Variants in GNS observed in about 807,000 individuals in gnomAD.
The protein encoded by GNS is N-acetylglucosamine-6-sulfatase.
Under a neutral mutation model 69.7 loss-of-function variants are expected in GNS, and 40 were observed. The ratio of observed to expected loss-of-function variants is 0.57; its 90% CI spans 0.45 to 0.75. GNS has a LOEUF of 0.75. GNS is among the 30% of genes least tolerant of loss of function. The pLI, the probability that GNS is intolerant of heterozygous loss-of-function variation, is 0.00. For missense variants in GNS, 565 were observed against 685.5 expected, an observed-to-expected ratio of 0.82 and a Z score of 1.96; for synonymous variants, 243 against 251.6, an observed-to-expected ratio of 0.97 and a Z score of 0.32.
chr12:64,749,602 A>G (rs2620719), intron 2 of GNS, among the ~76,000 whole-genome samples: 70,419 of 152,056 alleles, frequency 0.46, 17,255 homozygotes, highest in African/African-American at 0.61. Flanking sequence ...CACATGTACT[A>G]ACTGACTGTG....
chr12:64,720,653 T>C (rs1230957500), intron 12 of GNS, among the ~76,000 whole-genome samples: 2 of 152,250 alleles, frequency 1.3e-5, no homozygotes, highest in East Asian at 1.9e-4. Context: ...GCCTGTGTTA[T>C]ACAAATGTTA....
chr12:64,747,830 A>C lies in GNS; in HGVS notation c.341T>G (p.Leu114Arg). The change falls in exon 3 of 14, where the codon CTG (leucine) becomes CGG (arginine). Residue 114 changes from leucine to arginine, a missense_variant. Physicochemically the swap from Leu to Arg is moderately radical, Grantham distance 102. Around this residue, in one of 2 missense-constraint regions of GNS, gnomAD observed 181 missense variants for 174.4 expected, o/e 1.04. Transcript: ENST00000258145. ...GGACTTACTACTGCAGTTCCCCTCC[A>C]GAGTGTTGTTCACAACGTGATGATT... ...PHNHHVVNNT[L>R]EGNCSSKSWQ... 1 of 1,608,312 alleles carries C rather than the reference A, an allele frequency of 6.2e-7. No homozygotes were observed. Among genetic ancestry groups the C allele is most frequent in the Admixed American group, 1.7e-5 (1 of 60,012 alleles).
intron 3 of GNS, among the ~76,000 whole-genome samples, chr12:64,746,403 T>C (rs1477111693): frequency 6.6e-6 from 1 of 152,134 alleles, no homozygotes; most frequent in Non-Finnish European, 1.5e-5. Context: ...TCAAAGGAAA[T>C]GTTCACTGGA....
Position 64,749,794 on chromosome 12 carries a change from TTCTC to T in GNS, c.253-1880_253-1877del, listed in dbSNP as rs932534976. On this transcript the variant is annotated intron_variant, in intron 2 of 13. Transcript: ENST00000258145. ...GTTTAAATTGGCAACTCTTAACTCT[TTCTC>T]TTTTTGTTTTCTGATCAATTTTATG... Among the ~76,000 whole-genome samples, 5 of 152,152 alleles carry T rather than the reference TTCTC, an allele frequency of 3.3e-5. No individual in the cohort carries two copies. The East Asian group carries it at 9.6e-4, about 29-fold the overall frequency.
rs575544204 is a variant in GNS at position 64,743,142 on chromosome 12, G to A, written c.791C>T (p.Thr264Met). ...AATACAAGTGGTGGGGGAAGCTACCGTTCCATGGATGTTGAAGTTCTTGTT... is the reference window on the plus strand; with the variant it reads ...AATACAAGTGGTGGGGGAAGCTACCATTCCATGGATGTTGAAGTTCTTGTT... ...PRNKNFNIHG[T>M]NKHWLIRQAK... is the part of the protein sequence containing the mutation. Residue 264 changes from threonine (T) to methionine (M), a missense_variant and splice_region_variant, in exon 6 of 14, where the codon ACG (threonine) becomes ATG (methionine). Physicochemically the swap from Thr to Met is moderately conservative, Grantham distance 81 (BLOSUM62 -1). Coordinates refer to ENST00000258145, the MANE Select transcript of GNS (RefSeq NM_002076.4). 7.2e-5 allele frequency: 116 copies of A among 1,608,426 alleles called. No individual in the cohort carries two copies. Among genetic ancestry groups the A allele is most frequent in the South Asian group, 7.1e-4 (65 of 90,940 alleles).
At chr12:64,742,308 CTG>C (rs1869771430) in intron 6 of GNS, among the ~76,000 whole-genome samples, 1 of 152,262 alleles carries the variant, frequency 6.6e-6, no homozygotes, top group African/African-American at 2.4e-5. Context: ...GCATGAGCCA[CTG>C]CGCCCGGCCA....
At chr12:64,756,302 T>C (rs1870248503) in intron 1 of GNS, among the ~76,000 whole-genome samples, 1 of 152,212 alleles carries the variant, frequency 6.6e-6, no homozygotes, top group South Asian at 2.1e-4. Flanking sequence ...GTAATCTTTT[T>C]TAGGTTAGAG....
At chr12:64,744,741 A>T in intron 5 of GNS, 68 bp downstream of exon 5, 1 of 804,304 alleles carries the variant, frequency 1.2e-6, no homozygotes, top group Non-Finnish European at 2.3e-6. Context: ...TAGGTTTTCT[A>T]GGCAGAGTCT....
At chr12:64,748,298 G>A (rs1023541961) in intron 2 of GNS, among the ~76,000 whole-genome samples, 4 of 151,386 alleles carry the variant, frequency 2.6e-5, no homozygotes, top group African/African-American at 2.4e-5. Context: ...ACCTCCTGGC[G>A]CAAGTGATCC....
intron 6 of GNS, among the ~76,000 whole-genome samples, chr12:64,741,034 G>C (rs529994037): frequency 1.3e-5 from 2 of 152,148 alleles, no homozygotes; most frequent in Admixed American, 1.3e-4. Flanking sequence ...TTATGCCTTT[G>C]GTCTACTACA....
At chr12:64,750,869 G>A (rs1016075862) in intron 2 of GNS, among the ~76,000 whole-genome samples, 16 of 152,080 alleles carry the variant, frequency 1.1e-4, no homozygotes, top group African/African-American at 3.1e-4. Flanking sequence ...CTACGTCACT[G>A]CACTCCAACA....
chr12:64,729,185 T>A (rs186869330), intron 9 of GNS, 128 bp from the exon 10 acceptor site: 33 of 701,474 alleles, frequency 4.7e-5, no homozygotes, highest in East Asian at 4.0e-4. Flanking sequence ...ATACAGCCCA[T>A]ACTTTGGTCT....
intron 10 of GNS, among the ~76,000 whole-genome samples, chr12:64,726,829 A>C (rs1869216052): frequency 6.6e-6 from 1 of 152,110 alleles, no homozygotes. Context: ...GACAAGTCAT[A>C]ATAAGGAGAC....
chr12:64,737,168 T>C (rs1399337037), intron 8 of GNS, 61 bp from the exon 9 acceptor site: 3 of 895,842 alleles, frequency 3.3e-6, no homozygotes, highest in Non-Finnish European at 5.7e-6. Context: ...TCATGTTATG[T>C]TTCACTCATT....
At chr12:64,745,850 A>G in intron 3 of GNS, 126 bp from the exon 4 acceptor site, 2 of 713,236 alleles carry the variant, frequency 2.8e-6, no homozygotes, top group South Asian at 3.0e-5. Flanking sequence ...ATTTCCCCAA[A>G]TAGACACTAG....
At chr12:64,740,459 C>CGA (rs1177880351) in intron 7 of GNS, 147 bp downstream of exon 7, 1 of 676,112 alleles carries the variant, frequency 1.5e-6, no homozygotes, top group Non-Finnish European at 2.7e-6. Context: ...CTCTCTGCTT[C>CGA]TGGTGCCCCA....
intron 9 of GNS, among the ~76,000 whole-genome samples, chr12:64,732,981 G>C (rs940102136): frequency 1.3e-5 from 2 of 152,078 alleles, no homozygotes; most frequent in African/African-American, 4.8e-5. Context: ...CTAATCAAAT[G>C]AAAGTCCTTA....
chr12:64,746,106 G>A (rs1351578301), intron 3 of GNS: 2 of 286,100 alleles, frequency 7.0e-6, no homozygotes, highest in Non-Finnish European at 1.4e-5. Context: ...ATAGTGCAGT[G>A]TCTGTGGCTG....
intron 2 of GNS, among the ~76,000 whole-genome samples, chr12:64,749,182 A>G (rs1797687): frequency 0.83 from 124,370 of 149,016 alleles, 52,008 homozygotes; most frequent in African/African-American, 0.91. Flanking sequence ...CTCATGATCC[A>G]CCTGCCTCGG....
Sources: allele counts gnomAD v4.1 joint callset (sites outside exome capture counted in the v4.1 genomes callset), GRCh38; gene constraint gnomAD v4.1.1; regional missense constraint gnomAD v4.1.1; transcripts MANE v1.5; gene names NCBI Gene and HGNC (gene_info 2026-07-23, HGNC 2026-07-21).